Variants in RAB43 observed in about 807,000 individuals in gnomAD.
RAB43 encodes RAB43, member RAS oncogene family, also known as ras-related protein Rab-43.
RAB43 carries 6 observed loss-of-function variants against 18.8 expected under a neutral mutation model. The ratio of observed to expected loss-of-function variants is 0.32; its 90% CI spans 0.17 to 0.63. RAB43 has a LOEUF of 0.63. Ranked by LOEUF, RAB43 falls within the 30% of genes least tolerant of loss-of-function variation. RAB43 has a pLI of 0.79. For missense variants in RAB43, 195 were observed against 289.1 expected (o/e 0.67, Z 2.36); for synonymous variants, 103 against 124.1 (o/e 0.83, Z 1.13).
intron 1 of RAB43, among the ~76,000 whole-genome samples, chr3:129,117,473 T>C (rs1576851006): frequency 6.6e-6 from 1 of 152,196 alleles, no homozygotes; most frequent in Non-Finnish European, 1.5e-5. Context: ...CCAGTTCTCA[T>C]AGCTACAGTC....
chr3:129,092,745 A>G (rs1008793232), intron 2 of RAB43, among the ~76,000 whole-genome samples: 2 of 151,934 alleles, frequency 1.3e-5, no homozygotes, highest in Non-Finnish European at 2.9e-5. Flanking sequence ...TCACGAGGTC[A>G]GGAAATCGAG....
intron 1 of RAB43, among the ~76,000 whole-genome samples, chr3:129,099,217 A>T (rs1934260186): frequency 7.0e-6 from 1 of 143,130 alleles, no homozygotes; most frequent in African/African-American, 2.6e-5. Context: ...TCAGTCTCCC[A>T]AGCAGCTGGG....
chr3:129,118,130 G>T (rs991839191), intron 1 of RAB43, among the ~76,000 whole-genome samples: 1 of 152,146 alleles, frequency 6.6e-6, no homozygotes, highest in African/African-American at 2.4e-5. Flanking sequence ...GAGTATGATG[G>T]GCACGGGAAG....
At chr3:129,112,067 T>C (rs1935205056) in intron 1 of RAB43, among the ~76,000 whole-genome samples, 1 of 151,950 alleles carries the variant, frequency 6.6e-6, no homozygotes, top group Non-Finnish European at 1.5e-5. Context: ...TGGGCAACAA[T>C]GTGAAACCCC....
At chr3:129,119,152 A>G (rs1413673525) in intron 1 of RAB43, among the ~76,000 whole-genome samples, 1 of 152,240 alleles carries the variant, frequency 6.6e-6, no homozygotes, top group Admixed American at 6.5e-5. Flanking sequence ...AACTTGACTT[A>G]AAATCACATT....
In RAB43 at chr3:129,121,697, G is replaced by A; in HGVS notation, c.-208C>T. 2 of 296,130 alleles carry A rather than the reference G, an allele frequency of 6.8e-6. No individual in the cohort carries two copies. The highest frequency in any genetic ancestry group is 5.7e-6 in the Non-Finnish European group (1 of 174,888). The allele number at this position is 296,130 out of a possible 1,614,324, so 18.3% of individuals were successfully genotyped here. A position where few individuals can be genotyped will look rare whatever the true frequency, so the allele number is the denominator to read the frequency against. ...GCTGGCTCCCGCCCCGGCCCGGCTC[G>A]GCCCCGCCCGGACCCGGTGCCCCGC... On this transcript the variant is annotated 5_prime_UTR_variant, in exon 1 of 3. Coordinates refer to ENST00000315150, the MANE Select transcript of RAB43 (RefSeq NM_198490.3).
At chr3:129,099,528 G>A (rs561054345) in intron 1 of RAB43, among the ~76,000 whole-genome samples, 1 of 152,040 alleles carries the variant, frequency 6.6e-6, no homozygotes, top group Non-Finnish European at 1.5e-5. Context: ...CTGGAATTAT[G>A]GGCACGTGCC....
chr3:129,118,924 C>T (rs1192773766), intron 1 of RAB43, among the ~76,000 whole-genome samples: 2 of 152,218 alleles, frequency 1.3e-5, no homozygotes, highest in East Asian at 3.8e-4. Context: ...GTTAAAATCA[C>T]ACTGCTGAAA....
At position 129,091,073 on chromosome 3, in the gene RAB43, C is replaced by G. The variant is rs750630078; in HGVS notation, c.*23G>C. On this transcript the variant is annotated 3_prime_UTR_variant, in exon 3 of 3. Coordinates refer to ENST00000315150, the MANE Select transcript of RAB43 (RefSeq NM_198490.3). Reference sequence around the variant, plus strand: ...GGAGAGCAAGGAGGTGGGGAACCCCCAGTCTGCCGGCCCGGCCCCTGGTCA... The same window carrying G: ...GGAGAGCAAGGAGGTGGGGAACCCCGAGTCTGCCGGCCCGGCCCCTGGTCA... 1.1e-5 allele frequency: 18 copies of G among 1,608,390 alleles called. No individual in the cohort carries two copies. Among genetic ancestry groups the G allele is most frequent in the Admixed American group, 1.7e-5 (1 of 59,606 alleles).
At chr3:129,098,343 C>T (rs1934190991) in intron 1 of RAB43, among the ~76,000 whole-genome samples, 1 of 152,160 alleles carries the variant, frequency 6.6e-6, no homozygotes, top group Non-Finnish European at 1.5e-5. Flanking sequence ...TTCCACATAT[C>T]CACCCTAACA....
intron 1 of RAB43, among the ~76,000 whole-genome samples, chr3:129,103,557 T>C (rs1934565875): frequency 6.6e-6 from 1 of 151,218 alleles, no homozygotes; most frequent in Non-Finnish European, 1.5e-5. Context: ...TCCTCATTCA[T>C]TCCCATCTAT....
rs1216498289 is a variant in RAB43 at position 129,113,205 on chromosome 3, G to A, written c.204+8081C>T. 3.5e-5 allele frequency among the ~76,000 whole-genome samples: 5 copies of A among 143,798 alleles called. No homozygotes were observed. The South Asian group carries it at 6.7e-4, about 19-fold the overall frequency. The allele number at this position is 143,798 out of a possible 152,430, so 94.3% of individuals were successfully genotyped here. The stretch of plus-strand genomic sequence containing the variant: ...TTTCGAGATGGAGTCTTGCTCTGTC[G>A]CCCAGGCTGGAGTGCAGTGGCACGA... On this transcript the variant is annotated intron_variant, in intron 1 of 2. Coordinates refer to ENST00000315150, the MANE Select transcript of RAB43 (RefSeq NM_198490.3).
chr3:129,103,332 A>G (rs2108001931), intron 1 of RAB43, among the ~76,000 whole-genome samples: 1 of 152,094 alleles, frequency 6.6e-6, no homozygotes. Context: ...CCTCCAATTC[A>G]CCCAGTCCAT....
Position 129,107,005 on chromosome 3 carries a change from G to A in RAB43, c.205-11836C>T, listed in dbSNP as rs1302450248. Among the ~76,000 whole-genome samples the A allele has an allele frequency of 2.0e-5, 3 of 152,204 alleles. No individual in the cohort carries two copies. Among genetic ancestry groups the A allele is most frequent in the South Asian group, 2.1e-4 (1 of 4,834 alleles). On this transcript the variant is annotated intron_variant, in intron 1 of 2. Coordinates refer to ENST00000315150, the MANE Select transcript of RAB43 (RefSeq NM_198490.3). The surrounding 1 kb of genome is among the most constrained non-coding windows in gnomAD (Gnocchi z 4.2). The stretch of plus-strand genomic sequence containing the variant: ...CCCAGGAAGCACAGTAACCCACGAC[G>A]TTTTGCAGGCCTGGTGAAAGCAAGG...
chr3:129,119,466 A>G (rs752644268), intron 1 of RAB43, among the ~76,000 whole-genome samples: 1 of 152,100 alleles, frequency 6.6e-6, no homozygotes, highest in Non-Finnish European at 1.5e-5. Context: ...TCCCACCTCT[A>G]TCACTTCTTA....
chr3:129,097,483 C>T (rs995735017), intron 1 of RAB43, among the ~76,000 whole-genome samples: 6 of 152,176 alleles, frequency 3.9e-5, no homozygotes, highest in Non-Finnish European at 7.4e-5. Context: ...CCCAGACATA[C>T]AGTCCTCGAA....
chr3:129,105,744 C>T (rs1173965042), intron 1 of RAB43, among the ~76,000 whole-genome samples: 8 of 150,080 alleles, frequency 5.3e-5, no homozygotes, highest in African/African-American at 1.2e-4. Flanking sequence ...CATGCCATTG[C>T]ACTCTAGCCT....
chr3:129,104,026 T>A (rs578168496), intron 1 of RAB43, among the ~76,000 whole-genome samples: 6 of 152,346 alleles, frequency 3.9e-5, no homozygotes, highest in Non-Finnish European at 8.8e-5. Flanking sequence ...ACGGGCTGCA[T>A]CAGGCTAGTT....
rs1030067504 is a variant in RAB43 at position 129,107,228 on chromosome 3, A to G, written c.205-12059T>C. Reference sequence around the variant, plus strand: ...ACTCCGAAGCCTGGTGTCCTTTACCATGGACGCGGCTCCTCCGCAAGCACA... The same window carrying G: ...ACTCCGAAGCCTGGTGTCCTTTACCGTGGACGCGGCTCCTCCGCAAGCACA... On this transcript the variant is annotated intron_variant, in intron 1 of 2. Transcript: ENST00000315150. This position sits in a 1 kb window ranked among gnomAD's most constrained non-coding sequence, Gnocchi z 4.2. 6.6e-6 allele frequency among the ~76,000 whole-genome samples: 1 copy of G among 152,232 alleles called. No individual in the cohort carries two copies. The highest frequency in any genetic ancestry group is 2.4e-5 in the African/African-American group (1 of 41,470).
Sources: gnomAD v4.1 joint callset for allele counts (sites outside exome capture counted in the v4.1 genomes callset) on GRCh38, gnomAD v4.1.1 for gene constraint, Gnocchi (gnomAD v3.1) non-coding constraint, MANE v1.5 for transcripts, NCBI Gene and HGNC (gene_info 2026-07-23, HGNC 2026-07-21) for gene names.